The following KIAA2012 variants were observed in gnomAD, a reference collection of about 807,000 sequenced individuals.
KIAA2012 encodes the protein KIAA2012, also known as uncharacterized protein KIAA2012.
In KIAA2012, 125 loss-of-function variants were observed where a neutral mutation model predicts 150.6. The observed-to-expected ratio is 0.83, with a 90% CI of 0.72 to 0.96. KIAA2012 has a LOEUF of 0.96. KIAA2012 is among the 40% of genes least tolerant of loss of function. The pLI is 0.00. For missense variants in KIAA2012, 1,219 were observed against 1,354.9 expected (o/e 0.90, Z 1.57); for synonymous variants, 462 against 504.7 (o/e 0.92, Z 1.13).
chr2:202,121,349 A>T (rs765319166), intron 11 of KIAA2012, among the ~76,000 whole-genome samples: 9 of 152,228 alleles, frequency 5.9e-5, no homozygotes, highest in Non-Finnish European at 8.8e-5. Context: ...ATATCTGCCA[A>T]CATACTTCAC....
chr2:202,172,450 A>C (rs940536310), intron 15 of KIAA2012, among the ~76,000 whole-genome samples: 19 of 152,246 alleles, frequency 1.2e-4, no homozygotes, highest in Non-Finnish European at 2.1e-4. Context: ...GCCAGCATGA[A>C]TCTTGGAGGT....
rs1689912861 is a variant in KIAA2012, at chr2:202,097,376, A to G, written c.686-59A>G. On this transcript the variant is annotated intron_variant, in intron 4 of 23. Coordinates refer to ENST00000498697, the MANE Select transcript of KIAA2012 (RefSeq NM_001277372.4). ...GCAAGAAGGGAGGCAGTTTGGAGGC[A>G]GCAAGAACACCACGTCCATTTCCAG... The G allele has an allele frequency of 3.2e-6, 5 of 1,541,338 alleles. No individual in the cohort carries two copies. The Admixed American group carries it at 1.0e-4, about 31-fold the overall frequency.
intron 12 of KIAA2012, among the ~76,000 whole-genome samples, chr2:202,130,006 T>C (rs1690894918): frequency 6.6e-6 from 1 of 152,070 alleles, no homozygotes; most frequent in Non-Finnish European, 1.5e-5. Context: ...CTGCAATAGC[T>C]CTTGTGCAGT....
At chr2:202,105,573 G>A (rs561696278) in intron 8 of KIAA2012, among the ~76,000 whole-genome samples, 188 bp from the exon 9 acceptor site, 1 of 152,286 alleles carries the variant, frequency 6.6e-6, no homozygotes, top group East Asian at 1.9e-4. Context: ...ACCAATCTCT[G>A]TGGCTAAGGC....
intron 13 of KIAA2012, among the ~76,000 whole-genome samples, chr2:202,148,353 T>G (rs1053611844): frequency 2.6e-5 from 4 of 152,154 alleles, no homozygotes; most frequent in African/African-American, 9.7e-5. Context: ...ATGTCAAATC[T>G]CCTTCTATAA....
intron 11 of KIAA2012, among the ~76,000 whole-genome samples, chr2:202,121,284 T>G (rs1690647153): frequency 6.6e-6 from 1 of 151,782 alleles, no homozygotes; most frequent in African/African-American, 2.4e-5. Flanking sequence ...GTTTATCTTT[T>G]TGCGTCTCTT....
At chr2:202,156,534 T>C (rs1200637985) in intron 14 of KIAA2012, among the ~76,000 whole-genome samples, 3 of 152,108 alleles carry the variant, frequency 2.0e-5, no homozygotes, top group African/African-American at 7.2e-5. Flanking sequence ...ATAGTACAGG[T>C]AACAGACAAC....
At chr2:202,089,016 G>GCTGT (rs1232837852) in intron 2 of KIAA2012, among the ~76,000 whole-genome samples, 2 of 152,186 alleles carry the variant, frequency 1.3e-5, no homozygotes, top group African/African-American at 4.8e-5. Context: ...TTTCTCACAG[G>GCTGT]CTGTCTCCTT....
intron 13 of KIAA2012, among the ~76,000 whole-genome samples, chr2:202,147,318 G>A (rs1168574129): frequency 6.6e-6 from 1 of 152,124 alleles, no homozygotes; most frequent in East Asian, 1.9e-4. Context: ...TTTCTTAATT[G>A]CTTTCGCCAT....
chr2:202,154,615 T>C (rs754540922), intron 13 of KIAA2012, 58 bp from the exon 14 acceptor site: 56 of 1,440,516 alleles, frequency 3.9e-5, no homozygotes, highest in Non-Finnish European at 4.8e-5. Flanking sequence ...TTGGACTAGC[T>C]CTTGTTGCAC....
In KIAA2012 at chr2:202,165,157, A is replaced by G. The variant is rs1416338807; in HGVS notation, c.2047-127A>G. ...TGGAGACTTAAGTAAAAAGTTGACG[A>G]AGAAGGAGAAGAAACCACTAAGAAA... On this transcript the variant is annotated intron_variant, in intron 14 of 23. Coordinates refer to ENST00000498697, the MANE Select transcript of KIAA2012 (RefSeq NM_001277372.4). The G allele has an allele frequency of 2.4e-5, 20 of 834,478 alleles. No individual in the cohort carries two copies. In the East Asian group the frequency reaches 5.4e-4, roughly 23 times the overall value. 51.7% of individuals were successfully genotyped at this position (834,478 alleles called of 1,614,324 possible).
At chr2:202,159,602 G>A (rs1691607297) in intron 14 of KIAA2012, among the ~76,000 whole-genome samples, 1 of 152,160 alleles carries the variant, frequency 6.6e-6, no homozygotes, top group East Asian at 1.9e-4. Context: ...AGCACTTTGG[G>A]AGGCCAAGGC....
At chr2:202,139,189 T>C (rs901121670) in intron 13 of KIAA2012, among the ~76,000 whole-genome samples, 5 of 145,306 alleles carry the variant, frequency 3.4e-5, no homozygotes, top group African/African-American at 1.3e-4. Flanking sequence ...TGCAGTGAGC[T>C]GAGATCATGC....
intron 15 of KIAA2012, among the ~76,000 whole-genome samples, chr2:202,171,631 G>A (rs1691894930): frequency 6.6e-6 from 1 of 151,844 alleles, no homozygotes; most frequent in African/African-American, 2.4e-5. Flanking sequence ...CTAACGCTGG[G>A]GCCTCCTATG....
intron 14 of KIAA2012, among the ~76,000 whole-genome samples, chr2:202,158,722 A>C (rs1014249317): frequency 1.3e-5 from 2 of 152,224 alleles, no homozygotes; most frequent in African/African-American, 4.8e-5. Flanking sequence ...ATGTTTTTAA[A>C]AACTCAATTT....
intron 11 of KIAA2012, among the ~76,000 whole-genome samples, chr2:202,117,953 A>G (rs1156602620): frequency 6.6e-6 from 1 of 151,742 alleles, no homozygotes; most frequent in African/African-American, 2.4e-5. Context: ...ACTTTGGAAA[A>G]TGCTAAACTG....
intron 1 of KIAA2012, among the ~76,000 whole-genome samples, chr2:202,074,638 T>C (rs537404281): frequency 6.6e-6 from 1 of 152,322 alleles, no homozygotes; most frequent in South Asian, 2.1e-4. Context: ...CAAGCTGAGT[T>C]AATCCTCCAG....
chr2:202,143,238 C>T (rs1426659688), intron 13 of KIAA2012, among the ~76,000 whole-genome samples: 4 of 151,882 alleles, frequency 2.6e-5, no homozygotes, highest in Non-Finnish European at 5.9e-5. Flanking sequence ...GATCATGCCA[C>T]CACTCCCAGC....
At position 202,163,672 on chromosome 2, in the gene KIAA2012, A is replaced by G. The variant is rs1691701463; in HGVS notation, c.2047-1612A>G. On this transcript the variant is annotated intron_variant, in intron 14 of 23. Coordinates refer to ENST00000498697, the MANE Select transcript of KIAA2012 (RefSeq NM_001277372.4). ...GCATTAAAATTCTTCCAAAAGAAGA[A>G]GCTTGACTCTCCCTTTCAATACAGT... 2.0e-5 allele frequency among the ~76,000 whole-genome samples: 3 copies of G among 152,236 alleles called. No individual in the cohort carries two copies. The South Asian group carries it at 6.2e-4, about 32-fold the overall frequency.
Sources: allele counts gnomAD v4.1 joint callset (sites outside exome capture counted in the v4.1 genomes callset), GRCh38; gene constraint gnomAD v4.1.1; transcripts MANE v1.5; gene names NCBI Gene and HGNC (gene_info 2026-07-23, HGNC 2026-07-21).